Variants in POLR3A observed in about 807,000 individuals in gnomAD.
POLR3A encodes the protein RNA polymerase III subunit A.
POLR3A carries 112 observed loss-of-function variants against 152.8 expected under a neutral mutation model. The observed-to-expected ratio is 0.73, with a 90% CI of 0.63 to 0.86. The LOEUF (loss-of-function observed/expected upper bound fraction) is 0.86, where lower values mean the gene tolerates loss of function less well. Among genes scored for constraint, POLR3A ranks in the 40% least tolerant of loss-of-function variants. The pLI is 0.00. For missense variants in POLR3A, 1,385 were observed against 1,743.1 expected (o/e 0.79, Z 3.66); for synonymous variants, 615 against 652.1 (o/e 0.94, Z 0.87).
rs138179669 is a variant in POLR3A, at chr10:78,014,394, A to G, written c.1432-604T>C. ...CAAAACAAACAAAAAACCCCAATCA[A>G]TCTAGTTGGAAGTTACTGAGCACTA... is the stretch of plus-strand genomic sequence containing the variant. On this transcript the variant is annotated intron_variant, in intron 10 of 30. Transcript: ENST00000372371. 2.9e-3 allele frequency among the ~76,000 whole-genome samples: 438 copies of G among 152,252 alleles called. 2 individuals are homozygous for G. Among genetic ancestry groups the G allele is most frequent in the Non-Finnish European group, 3.8e-3 (259 of 68,020 alleles).
At position 77,984,328 on chromosome 10, in the gene POLR3A, A is replaced by G. The variant is rs1178156853; in HGVS notation, c.3243-30T>C. The G allele has an allele frequency of 3.9e-6, 5 of 1,292,206 alleles. No homozygotes were observed. The South Asian group carries it at 4.7e-5, about 12-fold the overall frequency. 80.0% of individuals were successfully genotyped at this position (1,292,206 alleles called of 1,614,324 possible). A position where few individuals can be genotyped will look rare whatever the true frequency, so the allele number is the denominator to read the frequency against. ...TGAGAAGCAAAGGAAAAATGGCACT[A>G]GCACAAGGGAGGAGGCTGTTTGAGG... On this transcript the variant is annotated intron_variant, in intron 24 of 30. Coordinates refer to ENST00000372371, the MANE Select transcript of POLR3A (RefSeq NM_007055.4).
At chr10:78,028,768 G>C (rs1468442747) in intron 1 of POLR3A, among the ~76,000 whole-genome samples, 2 of 152,060 alleles carry the variant, frequency 1.3e-5, no homozygotes, top group East Asian at 1.9e-4. Context: ...CTCCTAAAGT[G>C]CTGGGATTAC....
In POLR3A at chr10:77,984,371, C is replaced by A. The variant is rs867171220; in HGVS notation, c.3243-73G>T. The stretch of plus-strand genomic sequence containing the variant: ...GTTTGAGGACTACTGCTTTGTTAAA[C>A]CCAAGTGCTATTTAGAATCATAATG... On this transcript the variant is annotated intron_variant, in intron 24 of 30. Transcript: ENST00000372371. 1.2e-5 allele frequency: 10 copies of A among 862,242 alleles called. No individual in the cohort carries two copies. In the African/African-American group the frequency reaches 1.5e-4, roughly 13 times the overall value. 53.4% of individuals were successfully genotyped at this position (862,242 alleles called of 1,614,324 possible).
Position 78,029,499 on chromosome 10 carries a change from G to C in POLR3A, c.-92C>G. On this transcript the variant is annotated 5_prime_UTR_variant, in exon 1 of 31. Transcript: ENST00000372371. ...ACCTCCTGGGGCTGCTTCTGGACTC[G>C]CCGCTAACACATCTGCGGCATCCTC... 7.7e-7 allele frequency: 1 copy of C among 1,303,332 alleles called. No individual in the cohort carries two copies. The highest frequency in any genetic ancestry group is 1.2e-5 in the South Asian group (1 of 83,946). The allele number at this position is 1,303,332 out of a possible 1,614,324, so 80.7% of individuals were successfully genotyped here.
rs770505190 is a variant in POLR3A, at chr10:78,009,971, TGA to T, written c.1661_1662del (p.Leu554GlnfsTer6). The part of the protein sequence containing the change: ...DFLTGAYLLT[L>X]KDTFFDRAKA... ...TTGGCTCGATCAAAGAAAGTGTCCT[TGA>T]GAGTGAGGAGATAGGCACCTAAGCA... On this transcript the variant is annotated frameshift_variant, in exon 13 of 31. Transcript: ENST00000372371. LOFTEE classifies it high-confidence loss of function. 6.2e-7 allele frequency: 1 copy of T among 1,614,056 alleles called. No individual in the cohort carries two copies. Among genetic ancestry groups the T allele is most frequent in the Non-Finnish European group, 8.5e-7 (1 of 1,179,978 alleles).
chr10:77,986,706 A>C (rs1031969152), intron 21 of POLR3A, among the ~76,000 whole-genome samples: 1 of 152,190 alleles, frequency 6.6e-6, no homozygotes, highest in Admixed American at 6.5e-5. Context: ...CCCCTCTGGT[A>C]ACCACCTCTC....
At position 78,024,988 on chromosome 10, in the gene POLR3A, T is replaced by C; in HGVS notation, c.473A>G (p.His158Arg). Residue 158 changes from histidine (H) to arginine (R), a missense_variant, in exon 4 of 31, where the codon CAC becomes CGC. Around this residue, in one of 7 missense-constraint regions of POLR3A, gnomAD observed 493 missense variants for 647.5 expected, o/e 0.76. Transcript: ENST00000372371. ...DKCRKKNICHHCGAFNGTVKK... is the reference protein window; with the variant it reads ...DKCRKKNICHRCGAFNGTVKK... ...CCACTCACCATTAAAAGCGCCACAG[T>C]GATGGCAGATGTTTTTCTTCCGGCA... 2 of 1,614,200 alleles carry C rather than the reference T, an allele frequency of 1.2e-6. No homozygotes were observed. Among genetic ancestry groups the C allele is most frequent in the Non-Finnish European group, 1.7e-6 (2 of 1,180,024 alleles).
intron 18 of POLR3A, 32 bp from the exon 19 acceptor site, chr10:78,000,150 C>CA: frequency 6.2e-7 from 1 of 1,611,194 alleles, no homozygotes; most frequent in Non-Finnish European, 8.5e-7. Flanking sequence ...AAAAATCAAA[C>CA]AAAAAAAGTT....
chr10:78,019,516 T>C (rs1847557148), intron 8 of POLR3A: 4 of 545,480 alleles, frequency 7.3e-6, no homozygotes, highest in South Asian at 2.0e-5. Context: ...TGGTGCTTGG[T>C]TTCCTCACTG....
chr10:78,014,645 C>T (rs562019739), intron 10 of POLR3A, among the ~76,000 whole-genome samples: 79 of 152,174 alleles, frequency 5.2e-4, no homozygotes, highest in Admixed American at 1.8e-3. Context: ...CCTCATGATC[C>T]GCCCACCTTG....
chr10:77,977,518 A>C lies in POLR3A; in HGVS notation c.4133T>G (p.Ile1378Ser). 6.2e-7 allele frequency: 1 copy of C among 1,614,078 alleles called. No homozygotes were observed. Among genetic ancestry groups the C allele is most frequent in the Non-Finnish European group, 8.5e-7 (1 of 1,179,990 alleles). The change falls in exon 31 of 31, where the codon ATC (isoleucine) becomes AGC (serine). Residue 1378 changes from isoleucine to serine, a missense_variant. By Grantham distance (142) the Ile-to-Ser change is moderately radical. Transcript: ENST00000372371. ...RDPNPPKRPLIFDTNEFHIPL... is the reference protein window; with the variant it reads ...RDPNPPKRPLSFDTNEFHIPL... ...GATGTGGAATTCATTTGTGTCGAAG[A>C]TCAGGGGCCTCTTGGGAGGGTTCGG...
chr10:78,028,553 CAG>C (rs1378574346), intron 1 of POLR3A, among the ~76,000 whole-genome samples: 1 of 149,406 alleles, frequency 6.7e-6, no homozygotes, highest in Non-Finnish European at 1.5e-5. Flanking sequence ...CTCTGTCACT[CAG>C]GGTGGAATGC....
intron 11 of POLR3A, among the ~76,000 whole-genome samples, chr10:78,011,284 G>A (rs1222671393): frequency 6.6e-6 from 1 of 152,140 alleles, no homozygotes; most frequent in Non-Finnish European, 1.5e-5. Flanking sequence ...CCTTGGTTAA[G>A]ACATTACGTT....
chr10:78,016,185 ATGGTTTAAGGTCTTAGT>A (rs1387971374), intron 10 of POLR3A, among the ~76,000 whole-genome samples: 1 of 152,190 alleles, frequency 6.6e-6, no homozygotes, highest in Admixed American at 6.5e-5. Context: ...CCAAAAAAAT[ATGGTTTAAGGTCTTAGT>A]TGGAGGATTA....
chr10:78,000,434 A>G (rs945353711), intron 18 of POLR3A, among the ~76,000 whole-genome samples: 15 of 152,208 alleles, frequency 9.9e-5, no homozygotes, highest in Non-Finnish European at 1.5e-4. Context: ...CACCCTGTGG[A>G]TGGAGGCTGC....
At chr10:77,992,918 G>T (rs1347494219) in intron 20 of POLR3A, among the ~76,000 whole-genome samples, 1 of 150,540 alleles carries the variant, frequency 6.6e-6, no homozygotes, top group African/African-American at 2.4e-5. Context: ...GTCTCACTTT[G>T]CTGCCCAGGC....
chr10:78,026,076 G>C lies in POLR3A; in HGVS notation c.180+18C>G, dbSNP rs1172902206. On this transcript the variant is annotated intron_variant, in intron 2 of 30. Transcript: ENST00000372371. ...GCAGGGCAAGACACAGTTACCAGGA[G>C]GGGTGAGGGGGCCTTACCATCCTAT... 3 of 1,613,626 alleles carry C rather than the reference G, an allele frequency of 1.9e-6. No individual in the cohort carries two copies. In the African/African-American group the frequency reaches 4.0e-5, roughly 22 times the overall value.
rs757340842 is a variant in POLR3A at position 78,022,193 on chromosome 10, C to T, written c.837G>A (p.Leu279=). 75 of 1,614,006 alleles carry T rather than the reference C, an allele frequency of 4.6e-5. No homozygotes were observed. Among genetic ancestry groups the T allele is most frequent in the Non-Finnish European group, 6.0e-5 (71 of 1,179,994 alleles). Residue 279 remains leucine, a synonymous_variant, in exon 6 of 31, where the codon CTG becomes CTA. Transcript: ENST00000372371. ...DLKSGTNEDD[L]TMKLTEIIFL... ...AAATGATTTCTGTCAGTTTCATTGT[C>T]AGATCATCTTCATTGGTGCCAGACT...
intron 21 of POLR3A, among the ~76,000 whole-genome samples, chr10:77,987,906 T>C (rs1847212414): frequency 6.6e-6 from 1 of 152,222 alleles, no homozygotes; most frequent in Admixed American, 6.5e-5. Context: ...ACTGAAGGCC[T>C]GAATGAGGTC....
Sources: gnomAD v4.1 joint callset for allele counts (sites outside exome capture counted in the v4.1 genomes callset) on GRCh38, gnomAD v4.1.1 for gene constraint, gnomAD v4.1.1 regional missense constraint, MANE v1.5 for transcripts, NCBI Gene and HGNC (gene_info 2026-07-23, HGNC 2026-07-21) for gene names.